The following DOCK5 variants were observed in gnomAD, a reference collection of about 807,000 sequenced individuals.
DOCK5 encodes the protein dedicator of cytokinesis 5, also known as dedicator of cytokinesis protein 5.
A neutral mutation model predicts 251.8 loss-of-function variants in DOCK5; 142 were observed. The observed-to-expected ratio is 0.56, with a 90% CI of 0.49 to 0.65. The LOEUF (loss-of-function observed/expected upper bound fraction) is 0.65, where lower values mean the gene tolerates loss of function less well. DOCK5 is among the 30% of genes least tolerant of loss of function. DOCK5 has a pLI of 0.00. For missense variants in DOCK5, 2,111 were observed against 2,312.3 expected (o/e 0.91, Z 1.79); for synonymous variants, 842 against 835.5 (o/e 1.01, Z -0.13).
At chr8:25,312,434 C>G (rs1410822170) in intron 13 of DOCK5, among the ~76,000 whole-genome samples, 2 of 152,050 alleles carry the variant, frequency 1.3e-5, no homozygotes, top group Admixed American at 1.3e-4. Flanking sequence ...AGGATTGGTT[C>G]ATAGGATGCC....
chr8:25,370,607 C>A (rs1459346927), intron 34 of DOCK5, among the ~76,000 whole-genome samples: 4 of 152,026 alleles, frequency 2.6e-5, no homozygotes, highest in Non-Finnish European at 5.9e-5. Flanking sequence ...TGGGCTCAAG[C>A]AGTCCTCCCG....
chr8:25,290,526 T>A (rs1804457910), intron 5 of DOCK5, among the ~76,000 whole-genome samples: 1 of 152,186 alleles, frequency 6.6e-6, no homozygotes, highest in Non-Finnish European at 1.5e-5. Context: ...TACAGTAAGT[T>A]ACTAGTGAAA....
At chr8:25,347,713 G>T (rs536818675) in intron 26 of DOCK5, among the ~76,000 whole-genome samples, 3 of 152,270 alleles carry the variant, frequency 2.0e-5, no homozygotes, top group South Asian at 4.2e-4. Context: ...AAGAATCAGA[G>T]CATTGGATTC....
intron 14 of DOCK5, chr8:25,317,358 A>G (rs1586323699): frequency 2.3e-6 from 1 of 429,070 alleles, no homozygotes; most frequent in Non-Finnish European, 4.0e-6. Context: ...GTGCTAAGAA[A>G]TAGCTCCAGC....
At chr8:25,349,822 T>C (rs922396483) in intron 26 of DOCK5, among the ~76,000 whole-genome samples, 2 of 152,216 alleles carry the variant, frequency 1.3e-5, no homozygotes, top group Non-Finnish European at 2.9e-5. Context: ...CAGTGTACAC[T>C]GCTTGGGTGA....
At chr8:25,325,629 C>A in intron 18 of DOCK5, 82 bp downstream of exon 18, 2 of 1,503,262 alleles carry the variant, frequency 1.3e-6, no homozygotes, top group Admixed American at 2.1e-5. Context: ...CAGGGCTGGA[C>A]TATATGGGGC....
At chr8:25,390,173 C>T in intron 41 of DOCK5, 33 bp from the exon 42 acceptor site, 1 of 1,552,074 alleles carries the variant, frequency 6.4e-7, no homozygotes, top group Non-Finnish European at 8.7e-7. Context: ...TTCACGACCC[C>T]AGCCCCTCTC....
intron 27 of DOCK5, among the ~76,000 whole-genome samples, chr8:25,354,176 CAG>C (rs949109054): frequency 2.0e-5 from 3 of 150,404 alleles, no homozygotes; most frequent in African/African-American, 7.4e-5. Flanking sequence ...AAATTACTAA[CAG>C]ATGGAGTGCA....
chr8:25,359,064 A>C lies in DOCK5; in HGVS notation c.2949+3A>C. The C allele has an allele frequency of 6.2e-7, 1 of 1,613,390 alleles. No individual in the cohort carries two copies. The highest frequency in any genetic ancestry group is 8.5e-7 in the Non-Finnish European group (1 of 1,179,368). ...TCAAAACCAGACAAGACATCATCGT[A>C]AGTTGCCTTTACTGGTCCTGGTAAC... On this transcript the variant is annotated splice_donor_region_variant and intron_variant, in intron 28 of 51. Transcript: ENST00000276440.
At chr8:25,290,718 G>A (rs1804463348) in intron 5 of DOCK5, among the ~76,000 whole-genome samples, 1 of 151,958 alleles carries the variant, frequency 6.6e-6, no homozygotes, top group Non-Finnish European at 1.5e-5. Flanking sequence ...TATATTCTAG[G>A]GACACACAAA....
intron 45 of DOCK5, chr8:25,395,945 A>T: frequency 1.6e-6 from 1 of 642,928 alleles, no homozygotes. Context: ...ACAGAAAAAA[A>T]ACCAACATGC....
chr8:25,276,592 A>C (rs1804046800), intron 4 of DOCK5, among the ~76,000 whole-genome samples: 1 of 152,120 alleles, frequency 6.6e-6, no homozygotes, highest in Non-Finnish European at 1.5e-5. Flanking sequence ...TGGGTCACAG[A>C]ACCATGCAGC....
At position 25,339,566 on chromosome 8, in the gene DOCK5, A is replaced by T. The variant is rs927424955; in HGVS notation, c.2328-1311A>T. On this transcript the variant is annotated intron_variant, in intron 22 of 51. Transcript: ENST00000276440. Reference sequence around the variant, plus strand: ...GCTGGGTGGAGGAGGAGGTGGTATCATGTGAGCTGAGACTGAAAGATGAAG... The same window carrying T: ...GCTGGGTGGAGGAGGAGGTGGTATCTTGTGAGCTGAGACTGAAAGATGAAG... Among the ~76,000 whole-genome samples, 4 of 152,206 alleles carry T rather than the reference A, an allele frequency of 2.6e-5. No individual in the cohort carries two copies. The South Asian group carries it at 8.3e-4, about 31-fold the overall frequency.
intron 1 of DOCK5, among the ~76,000 whole-genome samples, chr8:25,187,277 ATG>A (rs1158834793): frequency 1.3e-5 from 2 of 148,416 alleles, no homozygotes; most frequent in African/African-American, 5.0e-5. Context: ...ACACACATAT[ATG>A]TATATATGTA....
chr8:25,357,648 G>A (rs965123453), intron 27 of DOCK5, among the ~76,000 whole-genome samples: 1 of 151,988 alleles, frequency 6.6e-6, no homozygotes, highest in Non-Finnish European at 1.5e-5. Flanking sequence ...AAAGTGCTGG[G>A]ATTACAGGTG....
chr8:25,368,689 T>G lies in DOCK5; in HGVS notation c.3402T>G (p.Cys1134Trp). ...CCATTTTCTTTGATATGATGCAGTG[T>G]GAGTTCAATTTCAGTGGAAATGGCA... ...TIPIFFDMMQCEFNFSGNGNF... is the reference protein window; with the variant it reads ...TIPIFFDMMQWEFNFSGNGNF... The change falls in exon 33 of 52, where the codon TGT becomes TGG. Residue 1134 changes from cysteine (C) to tryptophan (W), a missense_variant. By Grantham distance (215) the Cys-to-Trp change is radical. Transcript: ENST00000276440. 1.2e-6 allele frequency: 2 copies of G among 1,613,652 alleles called. No individual in the cohort carries two copies. The highest frequency in any genetic ancestry group is 1.7e-6 in the Non-Finnish European group (2 of 1,179,786).
intron 3 of DOCK5, among the ~76,000 whole-genome samples, chr8:25,275,169 C>T (rs1804012334): frequency 6.6e-6 from 1 of 152,176 alleles, no homozygotes; most frequent in Non-Finnish European, 1.5e-5. Flanking sequence ...ATCCTATGCT[C>T]TCTGAACCCA....
chr8:25,404,365 G>C (rs1051906520), intron 48 of DOCK5, among the ~76,000 whole-genome samples: 6 of 152,204 alleles, frequency 3.9e-5, no homozygotes, highest in African/African-American at 1.4e-4. Flanking sequence ...TTGTATGTAT[G>C]TGGCATGATA....
chr8:25,401,147 A>C (rs1162664474), intron 47 of DOCK5, 81 bp downstream of exon 47: 6 of 1,562,780 alleles, frequency 3.8e-6, no homozygotes, highest in Non-Finnish European at 5.2e-6. Flanking sequence ...TTCAGATGCC[A>C]AGTGAGTTGT....
Sources: allele counts gnomAD v4.1 joint callset (sites outside exome capture counted in the v4.1 genomes callset), GRCh38; gene constraint gnomAD v4.1.1; transcripts MANE v1.5; gene names NCBI Gene and HGNC (gene_info 2026-07-23, HGNC 2026-07-21).